TXNL1: variants seen among roughly 807,000 people sequenced by gnomAD.
TXNL1 encodes the protein thioredoxin-like protein 1.
In TXNL1, 14 loss-of-function variants were observed where a neutral mutation model predicts 35.5. The observed-to-expected ratio is 0.39, with a 90% CI of 0.26 to 0.62. The LOEUF (loss-of-function observed/expected upper bound fraction) is 0.62, where lower values mean the gene tolerates loss of function less well. Ranked by LOEUF, TXNL1 falls within the 20% of genes least tolerant of loss-of-function variation. TXNL1 has a pLI of 0.47. For missense variants in TXNL1, 263 were observed against 349.7 expected (o/e 0.75, Z 1.98); for synonymous variants, 110 against 115.5 (o/e 0.95, Z 0.31).
At chr18:56,632,210 G>C (rs1486251828) in intron 1 of TXNL1, among the ~76,000 whole-genome samples, 1 of 152,088 alleles carries the variant, frequency 6.6e-6, no homozygotes, top group Non-Finnish European at 1.5e-5. Context: ...CAAGATAAGT[G>C]TCTTATCTTG....
At chr18:56,620,708 A>C (rs2024166065) in intron 3 of TXNL1, among the ~76,000 whole-genome samples, 1 of 152,220 alleles carries the variant, frequency 6.6e-6, no homozygotes, top group Non-Finnish European at 1.5e-5. Context: ...TCACCTCTCT[A>C]TCTCAAAGGG....
intron 7 of TXNL1, among the ~76,000 whole-genome samples, chr18:56,607,550 G>A (rs1441803577): frequency 6.6e-6 from 1 of 152,042 alleles, no homozygotes; most frequent in African/African-American, 2.4e-5. Context: ...TTCCGATGGG[G>A]TAATATATCC....
chr18:56,620,684 G>C (rs1024724699), intron 3 of TXNL1, among the ~76,000 whole-genome samples: 3 of 152,152 alleles, frequency 2.0e-5, no homozygotes, highest in African/African-American at 7.2e-5. Context: ...AAGTATTATA[G>C]ATGAGTCACA....
intron 1 of TXNL1, among the ~76,000 whole-genome samples, chr18:56,629,422 G>T (rs1038937096): frequency 6.6e-6 from 1 of 152,150 alleles, no homozygotes; most frequent in African/African-American, 2.4e-5. Context: ...CAGCTACTCA[G>T]AAGGCTGAAG....
Position 56,614,741 on chromosome 18 carries a change from A to G in TXNL1, c.563-145T>C, listed in dbSNP as rs985216175. 1.8e-5 allele frequency: 13 copies of G among 720,754 alleles called. No individual in the cohort carries two copies. In the African/African-American group the frequency reaches 2.3e-4, roughly 13 times the overall value. 44.6% of individuals were successfully genotyped at this position (720,754 alleles called of 1,614,324 possible). A position where few individuals can be genotyped will look rare whatever the true frequency, so the allele number is the denominator to read the frequency against. ...ACTCCATTATTAGAACTTGTACAAA[A>G]GTCTGAGTATTCAGGTAGCCAATCC... On this transcript the variant is annotated intron_variant, in intron 5 of 7. Coordinates refer to ENST00000217515, the MANE Select transcript of TXNL1 (RefSeq NM_004786.3).
chr18:56,621,485 C>T (rs961447001), intron 3 of TXNL1, among the ~76,000 whole-genome samples: 1 of 152,112 alleles, frequency 6.6e-6, no homozygotes, highest in Non-Finnish European at 1.5e-5. Flanking sequence ...TGAGCCACCA[C>T]ACGCCCAGCC....
rs982828822 is a variant in TXNL1 at position 56,599,495 on chromosome 18, T to A, written c.*3532A>T. Reference sequence around the variant, plus strand: ...AAAACTGTAAAATACACACCTCTAATAATGAGTTTTAAAGCTAAATGAGCA... The same window carrying A: ...AAAACTGTAAAATACACACCTCTAAAAATGAGTTTTAAAGCTAAATGAGCA... On this transcript the variant is annotated 3_prime_UTR_variant, in exon 8 of 8. Coordinates refer to ENST00000217515, the MANE Select transcript of TXNL1 (RefSeq NM_004786.3). 5 of 152,100 alleles carry A rather than the reference T, an allele frequency of 3.3e-5. No individual in the cohort carries two copies. The highest frequency in any genetic ancestry group is 1.2e-4 in the African/African-American group (5 of 41,412). The allele number at this position is 152,100 out of a possible 1,614,324, so 9.4% of individuals were successfully genotyped here.
At chr18:56,628,094 C>A (rs145728733) in intron 1 of TXNL1, among the ~76,000 whole-genome samples, 2,303 of 152,216 alleles carry the variant, frequency 0.015, 28 homozygotes, top group Middle Eastern at 0.027. Flanking sequence ...ATTATCCAAA[C>A]AGTCAATAAA....
intron 7 of TXNL1, among the ~76,000 whole-genome samples, chr18:56,607,240 A>G (rs1465997569): frequency 1.3e-5 from 2 of 148,908 alleles, no homozygotes; most frequent in Admixed American, 1.3e-4. Context: ...CTGGTCTTGA[A>G]CTCCTGGGCT....
intron 3 of TXNL1, among the ~76,000 whole-genome samples, chr18:56,622,028 AAATT>A (rs2024197113): frequency 6.6e-6 from 1 of 151,608 alleles, no homozygotes; most frequent in African/African-American, 2.4e-5. Flanking sequence ...AAAAAAAAAA[AAATT>A]AATTAAATAA....
chr18:56,609,243 A>T (rs1329495725), intron 7 of TXNL1: 1 of 152,180 alleles, frequency 6.6e-6, no homozygotes, highest in East Asian at 1.9e-4. Context: ...AGTTAAAAAA[A>T]ATCAAATGAA....
At chr18:56,624,552 AG>A (rs1293432815) in intron 2 of TXNL1, 91 bp from the exon 3 acceptor site, 5 of 1,364,130 alleles carry the variant, frequency 3.7e-6, no homozygotes, top group Non-Finnish European at 5.0e-6. Flanking sequence ...AAATACCATA[AG>A]CATGAACTAA....
chr18:56,626,292 G>A, intron 2 of TXNL1, 69 bp downstream of exon 2: 1 of 1,554,118 alleles, frequency 6.4e-7, no homozygotes, highest in Non-Finnish European at 8.7e-7. Context: ...GATAAATGAA[G>A]AATATTAATG....
chr18:56,638,050 T>C (rs149104831), intron 1 of TXNL1, among the ~76,000 whole-genome samples: 1 of 152,058 alleles, frequency 6.6e-6, no homozygotes, highest in Non-Finnish European at 1.5e-5. Context: ...CTGGAAGGAA[T>C]AGGGGCGGGC....
intron 7 of TXNL1, among the ~76,000 whole-genome samples, chr18:56,606,808 A>T (rs1219841084): frequency 6.6e-6 from 1 of 152,246 alleles, no homozygotes; most frequent in African/African-American, 2.4e-5. Context: ...ACTGAAGAGT[A>T]GTCCCTCCTT....
chr18:56,637,444 G>A (rs926029879), intron 1 of TXNL1, among the ~76,000 whole-genome samples: 1 of 152,128 alleles, frequency 6.6e-6, no homozygotes, highest in Non-Finnish European at 1.5e-5. Flanking sequence ...CATACACAAG[G>A]AGAGATCTGT....
chr18:56,614,323 TA>T, intron 6 of TXNL1, 100 bp downstream of exon 6: 1 of 1,064,424 alleles, frequency 9.4e-7, no homozygotes, highest in Non-Finnish European at 1.3e-6. Flanking sequence ...ACTGAGTGAA[TA>T]AATACCACTT....
rs1443582322 is a variant in TXNL1, at chr18:56,626,477, A to G, written c.99-20T>C. On this transcript the variant is annotated intron_variant, in intron 1 of 7. Coordinates refer to ENST00000217515, the MANE Select transcript of TXNL1 (RefSeq NM_004786.3). Reference sequence around the variant, plus strand: ...CCACACCTGTTAGAAAAGGAAAATTAAGTAAAATAACACTAAAGATTGTAA... The same window carrying G: ...CCACACCTGTTAGAAAAGGAAAATTGAGTAAAATAACACTAAAGATTGTAA... 8 of 1,582,402 alleles carry G rather than the reference A, an allele frequency of 5.1e-6. No individual in the cohort carries two copies. The highest frequency in any genetic ancestry group is 6.9e-6 in the Non-Finnish European group (8 of 1,161,296).
intron 1 of TXNL1, among the ~76,000 whole-genome samples, chr18:56,631,069 G>A (rs572050414): frequency 6.6e-6 from 1 of 151,832 alleles, no homozygotes; most frequent in East Asian, 1.9e-4. Context: ...TTGAAGACAC[G>A]AGGTCTGCCT....
Sources: allele counts gnomAD v4.1 joint callset (sites outside exome capture counted in the v4.1 genomes callset), GRCh38; gene constraint gnomAD v4.1.1; transcripts MANE v1.5; gene names NCBI Gene and HGNC (gene_info 2026-07-23, HGNC 2026-07-21).